The following EIPR1 variants were observed in gnomAD, a reference collection of about 807,000 sequenced individuals.
The protein encoded by EIPR1 is EARP and GARP complex-interacting protein 1.
A neutral mutation model predicts 48.1 loss-of-function variants in EIPR1; 25 were observed. The observed-to-expected ratio is 0.52, with a 90% CI of 0.38 to 0.73. The LOEUF (loss-of-function observed/expected upper bound fraction) is 0.73. EIPR1 is among the 30% of genes least tolerant of loss of function. The pLI, the probability that EIPR1 is intolerant of heterozygous loss-of-function variation, is 0.00. For missense variants in EIPR1, 415 were observed against 506.2 expected, an observed-to-expected ratio of 0.82 and a Z score of 1.73; for synonymous variants, 204 against 201.9, an observed-to-expected ratio of 1.01 and a Z score of -0.09.
chr2:3,370,643 G>T (rs1230558577), intron 1 of EIPR1, among the ~76,000 whole-genome samples: 3 of 152,098 alleles, frequency 2.0e-5, no homozygotes, highest in Non-Finnish European at 4.4e-5. Flanking sequence ...TATCAGTGAT[G>T]GAAGATGAAA....
intron 2 of EIPR1, among the ~76,000 whole-genome samples, chr2:3,340,784 G>A (rs971617737): frequency 1.8e-4 from 28 of 152,210 alleles, no homozygotes; most frequent in Admixed American, 1.8e-3. Flanking sequence ...GCAGCAAACA[G>A]CTCAGATGTC....
At chr2:3,347,967 G>GA (rs1404822324) in intron 2 of EIPR1, among the ~76,000 whole-genome samples, 1 of 152,182 alleles carries the variant, frequency 6.6e-6, no homozygotes, top group Non-Finnish European at 1.5e-5. Flanking sequence ...GAGCAGCGGG[G>GA]AAGAAATCAA....
At chr2:3,231,967 G>A (rs1474114375) in intron 4 of EIPR1, among the ~76,000 whole-genome samples, 1 of 152,104 alleles carries the variant, frequency 6.6e-6, no homozygotes, top group African/African-American at 2.4e-5. Context: ...CAGGTCCTGG[G>A]CTTTTCTTTG....
At chr2:3,347,869 G>C (rs368261653) in intron 2 of EIPR1, among the ~76,000 whole-genome samples, 1 of 152,334 alleles carries the variant, frequency 6.6e-6, no homozygotes, top group South Asian at 2.1e-4. Flanking sequence ...TCATCGAAAG[G>C]AAGCCAGGCT....
chr2:3,312,809 C>T lies in EIPR1; in HGVS notation c.259+25208G>A, dbSNP rs567281237. 3.3e-5 allele frequency among the ~76,000 whole-genome samples: 5 copies of T among 152,266 alleles called. No individual in the cohort carries two copies. Among genetic ancestry groups the T allele is most frequent in the Admixed American group, 2.0e-4 (3 of 15,302 alleles). ...CATGAGCACGTCATGGCCTGACCACCGCTGTGGGCCTCATTCTGGAATGGA... is the reference window on the plus strand; with the variant it reads ...CATGAGCACGTCATGGCCTGACCACTGCTGTGGGCCTCATTCTGGAATGGA... On this transcript the variant is annotated intron_variant, in intron 3 of 8. Transcript: ENST00000382125. The surrounding 1 kb of genome is among the most constrained non-coding windows in gnomAD (Gnocchi z 5.5).
Position 3,249,808 on chromosome 2 carries a change from C to T in EIPR1, c.416+7491G>A, listed in dbSNP as rs543992215. Among the ~76,000 whole-genome samples, 6 of 152,354 alleles carry T rather than the reference C, an allele frequency of 3.9e-5. No individual in the cohort carries two copies. In the South Asian group the frequency reaches 1.2e-3, roughly 32 times the overall value. ...TTGTGCAGCCTCAGGACACTGCTCCCTGCATCTAGCTCCAGTCATGGCTCA... is the reference window on the plus strand; with the variant it reads ...TTGTGCAGCCTCAGGACACTGCTCCTTGCATCTAGCTCCAGTCATGGCTCA... On this transcript the variant is annotated intron_variant, in intron 4 of 8. Coordinates refer to ENST00000382125, the MANE Select transcript of EIPR1 (RefSeq NM_003310.5).
intron 3 of EIPR1, among the ~76,000 whole-genome samples, chr2:3,311,799 G>C (rs533895494): frequency 6.6e-6 from 1 of 151,940 alleles, no homozygotes; most frequent in East Asian, 2.0e-4. Flanking sequence ...TCCATTCGCG[G>C]GGTGCTGGGC....
At chr2:3,223,971 G>T (rs963683554) in intron 4 of EIPR1, among the ~76,000 whole-genome samples, 4 of 152,198 alleles carry the variant, frequency 2.6e-5, no homozygotes, top group African/African-American at 9.7e-5. Flanking sequence ...AAACGCTTCA[G>T]AGTAGTTACA....
chr2:3,315,003 C>T (rs1389706073), intron 3 of EIPR1, among the ~76,000 whole-genome samples: 1 of 151,656 alleles, frequency 6.6e-6, no homozygotes, highest in African/African-American at 2.4e-5. Context: ...AACTGCATCC[C>T]CTCGTGCTGC....
chr2:3,279,740 TG>T (rs1667962175), intron 3 of EIPR1, among the ~76,000 whole-genome samples: 2 of 152,264 alleles, frequency 1.3e-5, no homozygotes, highest in Non-Finnish European at 2.9e-5. Flanking sequence ...TGCAGGAGGC[TG>T]CTCCGCTGAC....
chr2:3,235,473 G>A (rs986597544), intron 4 of EIPR1, among the ~76,000 whole-genome samples: 1 of 149,478 alleles, frequency 6.7e-6, no homozygotes, highest in Non-Finnish European at 1.5e-5. Context: ...CCCCCCAATA[G>A]CCAGAGCTCT....
chr2:3,344,631 G>GTT (rs1670347148), intron 2 of EIPR1, among the ~76,000 whole-genome samples: 2 of 132,828 alleles, frequency 1.5e-5, no homozygotes, highest in African/African-American at 5.7e-5. Context: ...ACTGGTTCTG[G>GTT]TTCTTTTTTT....
At chr2:3,193,951 TC>T in intron 7 of EIPR1, 47 bp downstream of exon 7, 1 of 1,594,530 alleles carries the variant, frequency 6.3e-7, no homozygotes. Context: ...ATTAGCAAAA[TC>T]AATTGCGTAA....
At chr2:3,265,993 C>A (rs968746314) in intron 3 of EIPR1, among the ~76,000 whole-genome samples, 5 of 152,152 alleles carry the variant, frequency 3.3e-5, no homozygotes, top group African/African-American at 1.2e-4. Flanking sequence ...CATGTTAACA[C>A]AAGAGCTCAA....
At chr2:3,212,091 T>C (rs1037468) in intron 5 of EIPR1, among the ~76,000 whole-genome samples, 139,416 of 152,306 alleles carry the variant, frequency 0.92, 64,170 homozygotes, top group East Asian at 0.98. Context: ...GAAGATGGCT[T>C]GAATCGATAG....
At chr2:3,208,193 CAATTA>C (rs1232875472) in intron 5 of EIPR1, 1 of 233,132 alleles carries the variant, frequency 4.3e-6, no homozygotes, top group Admixed American at 5.0e-5. Flanking sequence ...GATTTTGTTC[CAATTA>C]ACTTTTTCCA....
chr2:3,224,971 G>C (rs528146041), intron 4 of EIPR1, among the ~76,000 whole-genome samples: 3 of 152,226 alleles, frequency 2.0e-5, no homozygotes, highest in African/African-American at 7.2e-5. Flanking sequence ...GGGCCAGCAC[G>C]AGGCTGGAGT....
At chr2:3,351,832 G>C (rs1670586555) in intron 2 of EIPR1, among the ~76,000 whole-genome samples, 1 of 152,202 alleles carries the variant, frequency 6.6e-6, no homozygotes, top group Non-Finnish European at 1.5e-5. Flanking sequence ...GTTACCTGTG[G>C]TCAAGTGTAA....
intron 5 of EIPR1, among the ~76,000 whole-genome samples, chr2:3,197,779 C>T (rs1199960369): frequency 1.3e-5 from 2 of 152,236 alleles, no homozygotes; most frequent in African/African-American, 2.4e-5. Flanking sequence ...CTCTGTCACA[C>T]CTGCCCCCAA....
Sources: gnomAD v4.1 joint callset for allele counts (sites outside exome capture counted in the v4.1 genomes callset) on GRCh38, gnomAD v4.1.1 for gene constraint, Gnocchi (gnomAD v3.1) non-coding constraint, MANE v1.5 for transcripts, NCBI Gene and HGNC (gene_info 2026-07-23, HGNC 2026-07-21) for gene names.